Variants in COL19A1 observed in about 807,000 individuals in gnomAD.
COL19A1 encodes the protein collagen alpha-1(XIX) chain.
Under a neutral mutation model 190.2 loss-of-function variants are expected in COL19A1, and 159 were observed. The ratio of observed to expected loss-of-function variants is 0.84; its 90% CI spans 0.73 to 0.95. COL19A1 has a LOEUF of 0.95. Among genes scored for constraint, COL19A1 ranks in the 40% least tolerant of loss-of-function variants. The probability of loss-of-function intolerance (pLI) is 0.00; values close to 1 mark genes in which losing one functional copy is unlikely to be tolerated. For synonymous variants in COL19A1, 509 were observed against 458.9 expected (o/e 1.11, Z -1.39); for missense variants, 1,418 against 1,431.9 (o/e 0.99, Z 0.16).
At chr6:70,044,403 C>G (rs1397857524) in intron 14 of COL19A1, among the ~76,000 whole-genome samples, 1 of 152,140 alleles carries the variant, frequency 6.6e-6, no homozygotes, top group African/African-American at 2.4e-5. Context: ...AGGGACCTGG[C>G]TTTTGCATTC....
intron 14 of COL19A1, among the ~76,000 whole-genome samples, chr6:70,039,494 C>G (rs1225085279): frequency 6.6e-6 from 1 of 152,136 alleles, no homozygotes; most frequent in Non-Finnish European, 1.5e-5. Context: ...CAACAGTAAT[C>G]CTTCTTGAGA....
chr6:69,989,081 C>T (rs1380600515), intron 11 of COL19A1, among the ~76,000 whole-genome samples: 1 of 152,162 alleles, frequency 6.6e-6, no homozygotes, highest in African/African-American at 2.4e-5. Flanking sequence ...CATGGCATTT[C>T]CCTAAGTTCT....
chr6:70,037,225 G>A (rs571820251), intron 14 of COL19A1, among the ~76,000 whole-genome samples: 1 of 151,892 alleles, frequency 6.6e-6, no homozygotes, highest in Non-Finnish European at 1.5e-5. Flanking sequence ...GCACGATCTC[G>A]GCTCACTGCA....
intron 11 of COL19A1, among the ~76,000 whole-genome samples, chr6:70,008,010 A>G (rs978096209): frequency 1.3e-5 from 2 of 151,982 alleles, no homozygotes; most frequent in African/African-American, 4.8e-5. Flanking sequence ...GAAAATTTGA[A>G]AACATTTTGA....
rs145579306 is a variant in COL19A1 at position 69,893,641 on chromosome 6, T to C, written c.92-5307T>C. Reference sequence around the variant, plus strand: ...ATGTTTTACCCCAAAGTATATTTCCTTGCCATACCTTGAAATTGCCCTGCA... The same window carrying C: ...ATGTTTTACCCCAAAGTATATTTCCCTGCCATACCTTGAAATTGCCCTGCA... On this transcript the variant is annotated intron_variant, in intron 2 of 50. Coordinates refer to ENST00000620364, the MANE Select transcript of COL19A1 (RefSeq NM_001858.6). Among the ~76,000 whole-genome samples, 373 of 152,346 alleles carry C rather than the reference T, an allele frequency of 2.4e-3. 3 individuals are homozygous for C. The highest frequency in any genetic ancestry group is 8.6e-3 in the African/African-American group (358 of 41,588).
intron 2 of COL19A1, among the ~76,000 whole-genome samples, chr6:69,887,452 C>G (rs1490047187): frequency 2.6e-5 from 4 of 152,132 alleles, no homozygotes; most frequent in African/African-American, 9.7e-5. Context: ...TCTTAGTGCA[C>G]AGTGCAGTGA....
intron 7 of COL19A1, among the ~76,000 whole-genome samples, chr6:69,933,840 G>T (rs1215278542): frequency 6.6e-6 from 1 of 151,796 alleles, no homozygotes; most frequent in Non-Finnish European, 1.5e-5. Flanking sequence ...ATCATTGTTT[G>T]ATTTATTGAC....
At chr6:70,042,685 G>T (rs1044104031) in intron 14 of COL19A1, among the ~76,000 whole-genome samples, 1 of 152,122 alleles carries the variant, frequency 6.6e-6, no homozygotes, top group Non-Finnish European at 1.5e-5. Flanking sequence ...CTGTTTAGTA[G>T]CATTTTACCC....
At chr6:70,066,660 CATA>C (rs1163639821) in intron 14 of COL19A1, among the ~76,000 whole-genome samples, 1 of 151,572 alleles carries the variant, frequency 6.6e-6, no homozygotes, top group Non-Finnish European at 1.5e-5. Context: ...TGAATATATA[CATA>C]ATAAGTAACT....
intron 11 of COL19A1, among the ~76,000 whole-genome samples, chr6:69,977,477 A>G (rs1775786379): frequency 6.6e-6 from 1 of 151,808 alleles, no homozygotes; most frequent in Non-Finnish European, 1.5e-5. Context: ...GCTAAATGAC[A>G]AGTTAATGGG....
intron 11 of COL19A1, among the ~76,000 whole-genome samples, chr6:69,978,944 T>C (rs766633716): frequency 1.1e-4 from 16 of 151,836 alleles, no homozygotes; most frequent in African/African-American, 4.8e-5. Context: ...ACTATTGTTA[T>C]ATGTGTAATT....
At chr6:70,058,132 A>G (rs998279003) in intron 14 of COL19A1, among the ~76,000 whole-genome samples, 11 of 152,076 alleles carry the variant, frequency 7.2e-5, no homozygotes, top group Non-Finnish European at 1.5e-4. Flanking sequence ...AGCGACAGAG[A>G]ACAAGTTATT....
intron 11 of COL19A1, among the ~76,000 whole-genome samples, chr6:70,004,086 G>T (rs1445681968): frequency 6.6e-6 from 1 of 152,076 alleles, no homozygotes; most frequent in Non-Finnish European, 1.5e-5. Flanking sequence ...CAATCCCTCA[G>T]CATTTGCTTG....
chr6:69,896,392 CCGGGCGCGGTGGCGGGT>C, intron 2 of COL19A1, among the ~76,000 whole-genome samples: 1 of 151,520 alleles, frequency 6.6e-6, no homozygotes, highest in East Asian at 1.9e-4. Flanking sequence ...AAAAAATTAG[CCGGGCGCGGTGGCGGGT>C]GCCTGTAGTC....
chr6:70,102,540 C>T (rs1450272678), intron 16 of COL19A1, among the ~76,000 whole-genome samples: 1 of 152,126 alleles, frequency 6.6e-6, no homozygotes, highest in Non-Finnish European at 1.5e-5. Context: ...TGTTCTGAAC[C>T]TACCTGAACA....
intron 4 of COL19A1, among the ~76,000 whole-genome samples, chr6:69,927,288 T>C (rs1772461791): frequency 6.6e-6 from 1 of 152,164 alleles, no homozygotes; most frequent in African/African-American, 2.4e-5. Context: ...AATACATACA[T>C]ACATAAAGCA....
chr6:69,976,781 A>G (rs572594693), intron 11 of COL19A1, among the ~76,000 whole-genome samples: 1 of 152,336 alleles, frequency 6.6e-6, no homozygotes, highest in African/African-American at 2.4e-5. Context: ...CTTTTAAAAA[A>G]TTCCTGAGTC....
chr6:70,204,265 T>C (rs1767729957), intron 49 of COL19A1, among the ~76,000 whole-genome samples: 1 of 152,206 alleles, frequency 6.6e-6, no homozygotes, highest in South Asian at 2.1e-4. Flanking sequence ...AAAAGCTTAA[T>C]TCTATAAATG....
In COL19A1 at chr6:70,101,150, CTTTAT is replaced by C. The variant is rs566144913; in HGVS notation, c.1225-1018_1225-1014del. ...TGAAAAGATCAACCTAATATCTTTA[CTTTAT>C]AAGTATCAATAAGGCTTAATATGTA... On this transcript the variant is annotated intron_variant, in intron 15 of 50. Transcript: ENST00000620364. Among the ~76,000 whole-genome samples the C allele has an allele frequency of 3.1e-3, 476 of 152,212 alleles. 4 individuals are homozygous for C. Among genetic ancestry groups the C allele is most frequent in the Non-Finnish European group, 3.9e-3 (263 of 68,014 alleles).
Sources: gnomAD v4.1 joint callset for allele counts (sites outside exome capture counted in the v4.1 genomes callset) on GRCh38, gnomAD v4.1.1 for gene constraint, MANE v1.5 for transcripts, NCBI Gene and HGNC (gene_info 2026-07-23, HGNC 2026-07-21) for gene names.